The following TET1 variants were observed in gnomAD, a reference collection of about 807,000 sequenced individuals.
TET1 encodes methylcytosine dioxygenase TET1.
TET1 carries 13 observed loss-of-function variants against 148.7 expected under a neutral mutation model. The ratio of observed to expected loss-of-function variants is 0.09; its 90% CI spans 0.06 to 0.14. The LOEUF is 0.14. Among genes scored for constraint, TET1 ranks in the 10% least tolerant of loss-of-function variants. The probability of loss-of-function intolerance (pLI) is 1.00; values close to 1 mark genes in which losing one functional copy is unlikely to be tolerated. For synonymous variants in TET1, 907 were observed against 937.2 expected, an observed-to-expected ratio of 0.97 and a Z score of 0.59; for missense variants, 2,182 against 2,553.8, an observed-to-expected ratio of 0.85 and a Z score of 3.14.
chr10:68,583,240 C>T (rs1242849304), intron 2 of TET1, among the ~76,000 whole-genome samples: 2 of 152,072 alleles, frequency 1.3e-5, no homozygotes, highest in Non-Finnish European at 2.9e-5. Context: ...GGTGGTATTT[C>T]AAGAATTGAC....
intron 1 of TET1, among the ~76,000 whole-genome samples, chr10:68,563,915 G>T (rs2053580734): frequency 6.6e-6 from 1 of 151,888 alleles, no homozygotes; most frequent in African/African-American, 2.4e-5. Flanking sequence ...CTCCTGACCT[G>T]AGGTGATCTG....
At chr10:68,588,918 T>A (rs2053889265) in intron 2 of TET1, among the ~76,000 whole-genome samples, 1 of 151,902 alleles carries the variant, frequency 6.6e-6, no homozygotes, top group Non-Finnish European at 1.5e-5. Flanking sequence ...GCCCTGGTGT[T>A]TGAGACAAGC....
In TET1 at chr10:68,686,712, G is replaced by A; in HGVS notation, c.5404+5G>A. On this transcript the variant is annotated splice_donor_5th_base_variant and intron_variant, in intron 11 of 11. Coordinates refer to ENST00000373644, the MANE Select transcript of TET1 (RefSeq NM_030625.3). Reference sequence around the variant, plus strand: ...CTTCGTCACTGCCAACCTTAGGTGAGCCCTATGGAACCTGGTAATCTCTGC... The same window carrying A: ...CTTCGTCACTGCCAACCTTAGGTGAACCCTATGGAACCTGGTAATCTCTGC... 1 of 1,608,046 alleles carries A rather than the reference G, an allele frequency of 6.2e-7. No individual in the cohort carries two copies. Among genetic ancestry groups the A allele is most frequent in the Non-Finnish European group, 8.5e-7 (1 of 1,176,616 alleles).
chr10:68,575,157 G>A (rs1333038974), intron 2 of TET1, among the ~76,000 whole-genome samples: 6 of 152,204 alleles, frequency 3.9e-5, no homozygotes, highest in African/African-American at 1.4e-4. Flanking sequence ...GCCGAGGCGG[G>A]CAGATCACCT....
rs2054858431 is a variant in TET1, at chr10:68,646,873, A to G, written c.4144A>G (p.Thr1382Ala). 2.5e-6 allele frequency: 4 copies of G among 1,614,208 alleles called. No homozygotes were observed. Among genetic ancestry groups the G allele is most frequent in the Non-Finnish European group, 2.5e-6 (3 of 1,180,036 alleles). ...EEEVCSSSFG[T>A]SEFSTVDSAQ... The stretch of plus-strand genomic sequence containing the variant: ...GGAAGTCTGTTCATCCAGTTTTGGA[A>G]CATCAGAATTTTCCACAGTGGACAG... Residue 1382 changes from threonine to alanine, a missense_variant, in exon 4 of 12, where the codon ACA (threonine) becomes GCA (alanine). This residue lies in a region of TET1 where 169 missense variants were observed against 263.7 expected (regional missense o/e 0.64). Transcript: ENST00000373644.
At chr10:68,651,606 A>G (rs916296116) in intron 4 of TET1, among the ~76,000 whole-genome samples, 2 of 151,680 alleles carry the variant, frequency 1.3e-5, no homozygotes, top group Non-Finnish European at 1.5e-5. Flanking sequence ...ATCTTAAAAT[A>G]TTTTTTTTCT....
intron 9 of TET1, among the ~76,000 whole-genome samples, chr10:68,682,480 C>T (rs112854660): frequency 1.3e-5 from 2 of 152,246 alleles, no homozygotes; most frequent in Admixed American, 6.5e-5. Context: ...GTATGTATAT[C>T]TTCTTTTTAC....
chr10:68,676,268 ATTTTTTT>A (rs1217792442), intron 8 of TET1, among the ~76,000 whole-genome samples: 7 of 35,992 alleles, frequency 1.9e-4, no homozygotes, highest in South Asian at 1.0e-3. Context: ...ATATATATAT[ATTTTTTT>A]TTTTTTTTTT....
At chr10:68,667,824 A>T (rs1185993701) in intron 7 of TET1, among the ~76,000 whole-genome samples, 1 of 152,010 alleles carries the variant, frequency 6.6e-6, no homozygotes, top group Admixed American at 6.5e-5. Context: ...TTGCTGACCC[A>T]ACTCACTTCT....
chr10:68,561,876 A>G (rs2053558811), intron 1 of TET1, among the ~76,000 whole-genome samples: 1 of 152,082 alleles, frequency 6.6e-6, no homozygotes, highest in East Asian at 1.9e-4. Flanking sequence ...GTGTTTCCAA[A>G]AGAACACTTA....
intron 3 of TET1, among the ~76,000 whole-genome samples, chr10:68,640,544 C>CT (rs60460824): frequency 0.018 from 774 of 42,778 alleles, 137 homozygotes; most frequent in African/African-American, 0.068. Context: ...TTCTTTCTTT[C>CT]TTTTTTTTTT....
At chr10:68,583,641 G>C (rs370823063) in intron 2 of TET1, among the ~76,000 whole-genome samples, 8 of 152,278 alleles carry the variant, frequency 5.3e-5, no homozygotes, top group Admixed American at 3.9e-4. Context: ...GACCGGACAC[G>C]GTGGCTCTCG....
chr10:68,691,327 T>G lies in TET1; in HGVS notation c.5924T>G (p.Leu1975Arg), dbSNP rs757512001. 1 of 1,614,162 alleles carries G rather than the reference T, an allele frequency of 6.2e-7. No individual in the cohort carries two copies. The highest frequency in any genetic ancestry group is 1.1e-5 in the South Asian group (1 of 91,086). Residue 1975 changes from leucine (L) to arginine (R), a missense_variant, in exon 12 of 12, where the codon CTA becomes CGA. Around this residue, in one of 11 missense-constraint regions of TET1, gnomAD observed 380 missense variants for 387.9 expected, o/e 0.98. Coordinates refer to ENST00000373644, the MANE Select transcript of TET1 (RefSeq NM_030625.3). The surrounding 1 kb of genome is among the most constrained non-coding windows in gnomAD (Gnocchi z 4.4). ...EADEPPSDEP[L>R]SDDPLSPAEE... Reference sequence around the variant, plus strand: ...GATGAGCCTCCATCAGACGAACCCCTATCTGATGACCCCCTGTCACCTGCT... The same window carrying G: ...GATGAGCCTCCATCAGACGAACCCCGATCTGATGACCCCCTGTCACCTGCT...
At chr10:68,568,410 A>G (rs1368996490) in intron 1 of TET1, among the ~76,000 whole-genome samples, 1 of 151,442 alleles carries the variant, frequency 6.6e-6, no homozygotes, top group Non-Finnish European at 1.5e-5. Flanking sequence ...TTTAGTAGAG[A>G]CAGGGTTTCA....
chr10:68,614,400 G>T (rs1294844375), intron 3 of TET1, among the ~76,000 whole-genome samples: 1 of 152,126 alleles, frequency 6.6e-6, no homozygotes, highest in Non-Finnish European at 1.5e-5. Context: ...TTCAAAAGTG[G>T]AGAAAGGAAA....
At chr10:68,586,501 T>TTTTTA (rs1554931408) in intron 2 of TET1, among the ~76,000 whole-genome samples, 29 of 122,202 alleles carry the variant, frequency 2.4e-4, no homozygotes, top group South Asian at 1.6e-3. Context: ...TTTTTTTTTT[T>TTTTTA]AATTTTTATT....
rs1006076006 is a variant in TET1, at chr10:68,646,246, C to T, written c.3517C>T (p.Arg1173Trp). The T allele has an allele frequency of 7.4e-6, 12 of 1,613,962 alleles. No homozygotes were observed. Among genetic ancestry groups the T allele is most frequent in the East Asian group, 2.2e-5 (1 of 44,898 alleles). Reference protein sequence around the residue: ...PTVVSYQENDRQKWEKLSYMY... With the variant: ...PTVVSYQENDWQKWEKLSYMY... ...AGTTGTAAGTTATCAAGAAAATGATCGGCAGAAGTGGGAAAAGTTGTCCTA... is the reference window on the plus strand; with the variant it reads ...AGTTGTAAGTTATCAAGAAAATGATTGGCAGAAGTGGGAAAAGTTGTCCTA... The change falls in exon 4 of 12, where the codon CGG (arginine) becomes TGG (tryptophan). Residue 1173 changes from arginine (R) to tryptophan (W), a missense_variant. Arg to Trp is a moderately radical substitution (Grantham distance 101). Coordinates refer to ENST00000373644, the MANE Select transcript of TET1 (RefSeq NM_030625.3).
chr10:68,590,732 C>T (rs1401045205), intron 2 of TET1, among the ~76,000 whole-genome samples: 1 of 152,064 alleles, frequency 6.6e-6, no homozygotes, highest in African/African-American at 2.4e-5. Flanking sequence ...TGCATGTCTG[C>T]CTTGAGCCAT....
At position 68,601,009 on chromosome 10, in the gene TET1, G is replaced by A. The variant is rs1345339087; in HGVS notation, c.1943G>A (p.Arg648Lys). 6.9e-6 allele frequency: 11 copies of A among 1,605,438 alleles called. No individual in the cohort carries two copies. The highest frequency in any genetic ancestry group is 8.5e-6 in the Non-Finnish European group (10 of 1,178,148). The change falls in exon 3 of 12, where the codon AGG becomes AAG. Residue 648 changes from arginine to lysine, a missense_variant. Physicochemically the swap from Arg to Lys is conservative, Grantham distance 26 (BLOSUM62 2). Around this residue, in one of 11 missense-constraint regions of TET1, gnomAD observed 226 missense variants for 307.4 expected, o/e 0.74. Transcript: ENST00000373644. ...ATAAAGGAAAACAAGAGGCCCCAGAGGGAAAAGAAGCCCAAAGTTTTAAAG... is the reference window on the plus strand; with the variant it reads ...ATAAAGGAAAACAAGAGGCCCCAGAAGGAAAAGAAGCCCAAAGTTTTAAAG... ...EVIKENKRPQREKKPKVLKAD... is the reference protein window; with the variant it reads ...EVIKENKRPQKEKKPKVLKAD...
Sources: allele counts gnomAD v4.1 joint callset (sites outside exome capture counted in the v4.1 genomes callset), GRCh38; gene constraint gnomAD v4.1.1; regional missense constraint gnomAD v4.1.1; non-coding constraint Gnocchi (gnomAD v3.1); transcripts MANE v1.5; gene names NCBI Gene and HGNC (gene_info 2026-07-23, HGNC 2026-07-21).